The following ERV3-1 variants were observed in gnomAD, a reference collection of about 807,000 sequenced individuals.
The protein encoded by ERV3-1 is endogenous retrovirus group 3 member 1, envelope.
ERV3-1 carries 36 observed loss-of-function variants against 24.6 expected under a neutral mutation model. That is an observed-to-expected ratio of 1.47 (90% CI 1.12 to 1.94). The LOEUF is 1.94. Among genes scored for constraint, ERV3-1 ranks in the 30% most tolerant of loss-of-function variants. The pLI, the probability that ERV3-1 is intolerant of heterozygous loss-of-function variation, is 0.00. For missense variants in ERV3-1, 578 were observed against 330.9 expected, an observed-to-expected ratio of 1.75 and a Z score of -5.79; for synonymous variants, 211 against 122.6, an observed-to-expected ratio of 1.72 and a Z score of -4.76.
rs1021444967 is a variant in ERV3-1, at chr7:65,006,563, C to A, written c.-411G>T. ...CACCATTTCTAGGCTTCCAGTGGGT[C>A]CTGGCGTCTTAGCTGTGGATCTCCC... On this transcript the variant is annotated 5_prime_UTR_variant, in exon 1 of 2. Transcript: ENST00000394323. The A allele has an allele frequency of 3.2e-6, 5 of 1,576,060 alleles. No individual in the cohort carries two copies. In the African/African-American group the frequency reaches 4.0e-5, roughly 13 times the overall value.
chr7:64,991,212 C>T lies in ERV3-1; in HGVS notation c.1815G>A (p.Ter605=), dbSNP rs1786256553. The part of the protein sequence containing the change: ...AHIPVQTWKG[*] ...AACCTCTGAAAAGGGAATCTGGAGA[C>T]TATCCTTTCCAAGTCTGAACTGGGA... The change falls in exon 2 of 2, where the codon TAG becomes TAA. Residue 605 remains the stop codon, a stop_retained_variant. Transcript: ENST00000394323. The T allele has an allele frequency of 1.3e-6, 1 of 746,896 alleles. No individual in the cohort carries two copies. Among genetic ancestry groups the T allele is most frequent in the African/African-American group, 1.7e-5 (1 of 58,830 alleles). 46.3% of individuals were successfully genotyped at this position (746,896 alleles called of 1,614,324 possible).
At chr7:64,996,604 T>A (rs1222027838) in intron 1 of ERV3-1, among the ~76,000 whole-genome samples, 1 of 152,222 alleles carries the variant, frequency 6.6e-6, no homozygotes. Flanking sequence ...AGGTAATCTG[T>A]GCATGCAATT....
intron 1 of ERV3-1, among the ~76,000 whole-genome samples, chr7:65,001,823 AC>A (rs1229731135): frequency 6.6e-6 from 1 of 152,092 alleles, no homozygotes; most frequent in African/African-American, 2.4e-5. Flanking sequence ...TTGAATTATG[AC>A]CCCACTTAAG....
At chr7:64,994,829 T>A (rs967032863) in intron 1 of ERV3-1, among the ~76,000 whole-genome samples, 3 of 152,260 alleles carry the variant, frequency 2.0e-5, no homozygotes, top group Non-Finnish European at 4.4e-5. Flanking sequence ...CCTTCTGGGC[T>A]GATGTTCCAG....
chr7:64,991,003 G>A lies in ERV3-1; in HGVS notation c.*209C>T. 2.4e-6 allele frequency: 1 copy of A among 416,232 alleles called. No individual in the cohort carries two copies. Among genetic ancestry groups the A allele is most frequent in the Non-Finnish European group, 4.2e-6 (1 of 235,354 alleles). The allele number at this position is 416,232 out of a possible 1,614,324, so 25.8% of individuals were successfully genotyped here. A position where few individuals can be genotyped will look rare whatever the true frequency, so the allele number is the denominator to read the frequency against. ...TTCAAGAGGAAGTAGCTCTTTTCTT[G>A]GCAGGGGTTAATACTTAGTTAGGGC... is the stretch of plus-strand genomic sequence containing the variant. On this transcript the variant is annotated 3_prime_UTR_variant, in exon 2 of 2. Coordinates refer to ENST00000394323, the MANE Select transcript of ERV3-1 (RefSeq NM_001007253.4).
At chr7:64,999,094 G>A (rs921798886) in intron 1 of ERV3-1, among the ~76,000 whole-genome samples, 6 of 152,124 alleles carry the variant, frequency 3.9e-5, no homozygotes, top group Non-Finnish European at 8.8e-5. Flanking sequence ...CTTATGGGAC[G>A]GGTCCTGCCT....
intron 1 of ERV3-1, among the ~76,000 whole-genome samples, chr7:65,005,553 A>C (rs1404082490): frequency 1.3e-5 from 2 of 152,228 alleles, no homozygotes; most frequent in Non-Finnish European, 2.9e-5. Context: ...ATGTACACTA[A>C]AGTGTACATT....
chr7:65,000,184 G>T (rs922753478), intron 1 of ERV3-1, among the ~76,000 whole-genome samples: 30 of 152,106 alleles, frequency 2.0e-4, no homozygotes, highest in Non-Finnish European at 3.5e-4. Flanking sequence ...AAGAAAGTAT[G>T]GTATGGCACG....
Position 64,992,596 on chromosome 7 carries a change from C to T in ERV3-1, c.431G>A (p.Ser144Asn), listed in dbSNP as rs750012852. 1.3e-6 allele frequency: 1 copy of T among 766,362 alleles called. No individual in the cohort carries two copies. The highest frequency in any genetic ancestry group is 1.3e-5 in the South Asian group (1 of 74,616). The allele number at this position is 766,362 out of a possible 1,614,324, so 47.5% of individuals were successfully genotyped here. A position where few individuals can be genotyped will look rare whatever the true frequency, so the allele number is the denominator to read the frequency against. ...PVIFSSMEYY[S>N]SCHKNRYAHP... is the part of the protein sequence containing the mutation. The stretch of plus-strand genomic sequence containing the variant: ...TGCATACCTATTTTTATGGCAGCTA[C>T]TATAGTACTCCATGGAACTGAAGAT... Residue 144 changes from serine (S) to asparagine (N), a missense_variant, in exon 2 of 2, where the codon AGT (serine) becomes AAT (asparagine). Transcript: ENST00000394323.
chr7:65,006,316 A>C, intron 1 of ERV3-1: 1 of 695,404 alleles, frequency 1.4e-6, no homozygotes, highest in Non-Finnish European at 2.4e-6. Context: ...AGAACAAGGC[A>C]CAGTCACTGC....
At chr7:64,999,862 T>G (rs1236836604) in intron 1 of ERV3-1, among the ~76,000 whole-genome samples, 2 of 152,200 alleles carry the variant, frequency 1.3e-5, no homozygotes, top group African/African-American at 2.4e-5. Context: ...CAGCAGGACT[T>G]TGGAGTGAGT....
chr7:65,006,606 A>AGGCCACAGAAGCTG lies in ERV3-1; in HGVS notation c.-468_-455dup. 1 of 1,564,180 alleles carries AGGCCACAGAAGCTG rather than the reference A, an allele frequency of 6.4e-7. No homozygotes were observed. Among genetic ancestry groups the AGGCCACAGAAGCTG allele is most frequent in the Non-Finnish European group, 8.8e-7 (1 of 1,136,500 alleles). The stretch of plus-strand genomic sequence containing the variant: ...GATCTCCCAATACCTGCAGGTAACG[A>AGGCCACAGAAGCTG]GGCCACAGAAGCTGGGCCTCTAGGA... On this transcript the variant is annotated 5_prime_UTR_variant, in exon 1 of 2. Coordinates refer to ENST00000394323, the MANE Select transcript of ERV3-1 (RefSeq NM_001007253.4).
At position 64,991,747 on chromosome 7, in the gene ERV3-1, C is replaced by T. The variant is rs199929020; in HGVS notation, c.1280G>A (p.Arg427Gln). Residue 427 changes from arginine to glutamine, a missense_variant, in exon 2 of 2, where the codon CGA becomes CAA. Transcript: ENST00000394323. ...LYWICGPQAYRQLPAKWSGAC... is the reference protein window; with the variant it reads ...LYWICGPQAYQQLPAKWSGAC... ...CCCTGACCATTTAGCTGGCAGTTGT[C>T]GATATGCTTGTGGCCCACAGATCCA... 2.9e-4 allele frequency: 221 copies of T among 765,900 alleles called. No homozygotes were observed. Among genetic ancestry groups the T allele is most frequent in the Non-Finnish European group, 8.6e-5 (36 of 417,816 alleles). The allele number at this position is 765,900 out of a possible 1,614,324, so 47.4% of individuals were successfully genotyped here.
rs76852196 is a variant in ERV3-1 at position 64,993,390 on chromosome 7, T to A, written c.-364A>T. On this transcript the variant is annotated 5_prime_UTR_variant, in exon 2 of 2. Coordinates refer to ENST00000394323, the MANE Select transcript of ERV3-1 (RefSeq NM_001007253.4). ...TGCTGGTTTCAGCTGACTGGATGGA[T>A]GGATCCAAGGCACAATTCCTGCAAC... 323 of 202,266 alleles carry A rather than the reference T, an allele frequency of 1.6e-3. 4 individuals are homozygous for A. In the East Asian group the frequency reaches 0.034, roughly 21 times the overall value. 12.5% of individuals were successfully genotyped at this position (202,266 alleles called of 1,614,324 possible). A position where few individuals can be genotyped will look rare whatever the true frequency, so the allele number is the denominator to read the frequency against.
intron 1 of ERV3-1, among the ~76,000 whole-genome samples, chr7:64,995,337 G>A (rs1371131884): frequency 6.6e-6 from 1 of 152,212 alleles, no homozygotes; most frequent in Middle Eastern, 3.2e-3. Flanking sequence ...GCGATGCCAT[G>A]ATCCTATGAT....
intron 1 of ERV3-1, among the ~76,000 whole-genome samples, chr7:64,996,526 G>A (rs964391270): frequency 2.0e-5 from 3 of 152,206 alleles, no homozygotes; most frequent in Non-Finnish European, 4.4e-5. Context: ...CAGCCTGCGG[G>A]ATGGTGAGGG....
At position 64,990,457 on chromosome 7, in the gene ERV3-1, C is replaced by T; in HGVS notation, c.*755G>A. 1 of 185,100 alleles carries T rather than the reference C, an allele frequency of 5.4e-6. No homozygotes were observed. Among genetic ancestry groups the T allele is most frequent in the South Asian group, 1.5e-4 (1 of 6,896 alleles). The allele number at this position is 185,100 out of a possible 1,614,324, so 11.5% of individuals were successfully genotyped here. ...AGACAGGGCTTGACTTTTATACATG[C>T]ATCAGGCAGGGGCAAGTCGGGTTTT... On this transcript the variant is annotated 3_prime_UTR_variant, in exon 2 of 2. Transcript: ENST00000394323.
At chr7:65,006,332 G>C (rs1223112017) in intron 1 of ERV3-1, 1 of 772,744 alleles carries the variant, frequency 1.3e-6, no homozygotes, top group East Asian at 2.8e-5. Context: ...ACTGCGCAGG[G>C]AGGAGACAGG....
intron 1 of ERV3-1, among the ~76,000 whole-genome samples, chr7:64,995,710 T>C (rs933320196): frequency 1.2e-4 from 18 of 152,186 alleles, no homozygotes; most frequent in Non-Finnish European, 4.4e-5. Context: ...TATTTAACCT[T>C]TTCATGGCAA....
Sources: allele counts gnomAD v4.1 joint callset (sites outside exome capture counted in the v4.1 genomes callset), GRCh38; gene constraint gnomAD v4.1.1; transcripts MANE v1.5; gene names NCBI Gene and HGNC (gene_info 2026-07-23, HGNC 2026-07-21).